C4orf51: variants seen among roughly 807,000 people sequenced by gnomAD.
C4orf51 encodes chromosome 4 open reading frame 51.
Under a neutral mutation model 25.2 loss-of-function variants are expected in C4orf51, and 25 were observed. The observed-to-expected ratio is 0.99, with a 90% CI of 0.72 to 1.39. The LOEUF is 1.39. Ranked by LOEUF, C4orf51 falls within the 40% of genes most tolerant of loss-of-function variation. The pLI, the probability that C4orf51 is intolerant of heterozygous loss-of-function variation, is 0.00. For synonymous variants in C4orf51, 100 were observed against 84.5 expected (o/e 1.18, Z -1.01); for missense variants, 252 against 239.6 (o/e 1.05, Z -0.34).
In C4orf51 at chr4:145,764,075, C is replaced by T. The variant is rs757164610; in HGVS notation, n.167-6913C>T. ...TCTGGCAGGTTGTGCGTTTCAATGACGAACATGTTTTAAAACAAAAGGTTT... is the reference window on the plus strand; with the variant it reads ...TCTGGCAGGTTGTGCGTTTCAATGATGAACATGTTTTAAAACAAAAGGTTT... On this transcript the variant is annotated intron_variant and non_coding_transcript_variant, in intron 1 of 1. Coordinates refer to the C4orf51 transcript ENST00000510096. Among the ~76,000 whole-genome samples the T allele has an allele frequency of 4.6e-5, 7 of 152,144 alleles. No individual in the cohort carries two copies. The East Asian group carries it at 7.7e-4, about 17-fold the overall frequency.
chr4:145,702,956 C>A (rs1193053078), intron 2 of C4orf51, among the ~76,000 whole-genome samples: 1 of 151,722 alleles, frequency 6.6e-6, no homozygotes, highest in Non-Finnish European at 1.5e-5. Flanking sequence ...TGAGAAACAT[C>A]GCCCATTCTC....
chr4:145,702,844 TA>T (rs754942872), intron 2 of C4orf51, among the ~76,000 whole-genome samples: 1 of 145,562 alleles, frequency 6.9e-6, no homozygotes, highest in African/African-American at 2.5e-5. Flanking sequence ...ATGTTTCTTC[TA>T]ACATCCCCAC....
At chr4:145,716,771 G>A (rs1235728475) in intron 2 of C4orf51, among the ~76,000 whole-genome samples, 1 of 152,162 alleles carries the variant, frequency 6.6e-6, no homozygotes, top group East Asian at 1.9e-4. Flanking sequence ...TGCCTTGGAT[G>A]ATCACTATTC....
Position 145,761,792 on chromosome 4 carries a change from C to T in C4orf51, n.167-9196C>T, listed in dbSNP as rs1371916050. ...GCTCTCCCTGCTGACAGAGCAGTCCCCGCTGACAAGCAGCTCTGGCAAGGT... is the reference window on the plus strand; with the variant it reads ...GCTCTCCCTGCTGACAGAGCAGTCCTCGCTGACAAGCAGCTCTGGCAAGGT... On this transcript the variant is annotated intron_variant and non_coding_transcript_variant, in intron 1 of 1. Coordinates refer to the C4orf51 transcript ENST00000510096. This position sits in a 1 kb window ranked among gnomAD's most constrained non-coding sequence, Gnocchi z 6.8. Among the ~76,000 whole-genome samples, 4 of 152,212 alleles carry T rather than the reference C, an allele frequency of 2.6e-5. No homozygotes were observed. The highest frequency in any genetic ancestry group is 5.9e-5 in the Non-Finnish European group (4 of 68,030).
chr4:145,690,825 G>T (rs887092649), intron 1 of C4orf51, among the ~76,000 whole-genome samples: 23 of 152,096 alleles, frequency 1.5e-4, no homozygotes, highest in Non-Finnish European at 2.8e-4. Context: ...AAAGGGCCAG[G>T]TGTGGTGGCT....
chr4:145,725,468 A>T (rs968956775), intron 2 of C4orf51, among the ~76,000 whole-genome samples: 1 of 152,214 alleles, frequency 6.6e-6, no homozygotes, highest in Non-Finnish European at 1.5e-5. Flanking sequence ...ACACATGTCT[A>T]CACAGACTTG....
intron 1 of C4orf51, chr4:145,760,833 G>A: frequency 8.3e-7 from 1 of 1,203,106 alleles, no homozygotes; most frequent in Non-Finnish European, 1.1e-6. Flanking sequence ...AGGAGTGTTT[G>A]GGTGAGGGGA....
downstream of C4orf51, among the ~76,000 whole-genome samples, chr4:145,736,992 G>A (rs956366808): frequency 9.9e-5 from 15 of 151,962 alleles, no homozygotes; most frequent in African/African-American, 1.2e-4. Context: ...TGAACTTCTC[G>A]TGAGTCCCTT....
intron 3 of C4orf51, 73 bp from the exon 4 acceptor site, chr4:145,729,096 G>A: frequency 2.8e-6 from 3 of 1,084,038 alleles, no homozygotes; most frequent in Non-Finnish European, 4.2e-6. Flanking sequence ...AACAATGTTG[G>A]GAAAATGAAT....
intron 1 of C4orf51, among the ~76,000 whole-genome samples, chr4:145,681,309 C>T (rs1728826229): frequency 6.6e-6 from 1 of 152,178 alleles, no homozygotes; most frequent in Admixed American, 6.6e-5. Context: ...CAATAACCCA[C>T]ATAATACCCT....
At chr4:145,740,141 G>A (rs934035198) in intron 1 of C4orf51, among the ~76,000 whole-genome samples, 1 of 148,908 alleles carries the variant, frequency 6.7e-6, no homozygotes, top group African/African-American at 2.5e-5. Flanking sequence ...CTTCTTTTCT[G>A]GAATGTAAAG....
intron 2 of C4orf51, among the ~76,000 whole-genome samples, chr4:145,698,482 A>G (rs1730216648): frequency 6.6e-6 from 1 of 152,248 alleles, no homozygotes; most frequent in African/African-American, 2.4e-5. Flanking sequence ...AAGGGATTTT[A>G]TCTAAAGACC....
At chr4:145,707,687 G>C (rs1730895358) in intron 2 of C4orf51, among the ~76,000 whole-genome samples, 1 of 152,214 alleles carries the variant, frequency 6.6e-6, no homozygotes, top group Non-Finnish European at 1.5e-5. Context: ...GGTCCCTTAA[G>C]TAATATAAAG....
chr4:145,792,380 A>G, the C4orf51 span, among the ~76,000 whole-genome samples: 3 of 151,968 alleles, frequency 2.0e-5, no homozygotes, highest in Admixed American at 6.5e-5. Context: ...CATAAGAAAA[A>G]AAAAAAGAAA....
chr4:145,751,002 C>T (rs1284103755), intron 1 of C4orf51, among the ~76,000 whole-genome samples: 1 of 151,990 alleles, frequency 6.6e-6, no homozygotes, highest in Non-Finnish European at 1.5e-5. Flanking sequence ...CTTTTTATTT[C>T]CATCTTTGCT....
At position 145,761,744 on chromosome 4, in the gene C4orf51, C is replaced by T. The variant is rs1052983195; in HGVS notation, n.167-9244C>T. On this transcript the variant is annotated intron_variant and non_coding_transcript_variant, in intron 1 of 1. Transcript: ENST00000510096. This position sits in a 1 kb window ranked among gnomAD's most constrained non-coding sequence, Gnocchi z 6.8. ...AGCCCAGCCCAGCCCTGCCGCCTCT[C>T]AGGGGTGGAACGGCCCTTTTTGGCT... 6.3e-5 allele frequency: 28 copies of T among 446,884 alleles called. No individual in the cohort carries two copies. The highest frequency in any genetic ancestry group is 1.5e-5 in the Non-Finnish European group (4 of 263,500). 27.7% of individuals were successfully genotyped at this position (446,884 alleles called of 1,614,324 possible). A position where few individuals can be genotyped will look rare whatever the true frequency, so the allele number is the denominator to read the frequency against.
At chr4:145,790,181 T>C in the C4orf51 span, among the ~76,000 whole-genome samples, 3 of 152,226 alleles carry the variant, frequency 2.0e-5, no homozygotes, top group African/African-American at 7.2e-5. Flanking sequence ...AGTTATCTTC[T>C]ATAATTTACT....
chr4:145,696,579 C>G lies in C4orf51; in HGVS notation c.254C>G (p.Ser85Cys). The G allele has an allele frequency of 2.5e-6, 4 of 1,613,650 alleles. No individual in the cohort carries two copies. Among genetic ancestry groups the G allele is most frequent in the South Asian group, 1.1e-5 (1 of 91,054 alleles). Residue 85 changes from serine to cysteine, a missense_variant, in exon 2 of 6, where the codon TCT (serine) becomes TGT (cysteine). Coordinates refer to ENST00000438731, the MANE Select transcript of C4orf51 (RefSeq NM_001080531.3). ...CTTAGGATGTCATTGACAAACAGTTCTGCCTGTCATCTTCTCTGCTGGGCT... is the reference window on the plus strand; with the variant it reads ...CTTAGGATGTCATTGACAAACAGTTGTGCCTGTCATCTTCTCTGCTGGGCT... ...ECKQMSLTNS[S>C]ACHLLCWAGT...
chr4:145,774,900 A>G (rs1208673595), downstream of C4orf51, among the ~76,000 whole-genome samples: 2 of 152,218 alleles, frequency 1.3e-5, no homozygotes, highest in South Asian at 2.1e-4. Context: ...ACAATCACAT[A>G]TGTGTTATAA....
Sources: gnomAD v4.1 joint callset for allele counts (sites outside exome capture counted in the v4.1 genomes callset) on GRCh38, gnomAD v4.1.1 for gene constraint, Gnocchi (gnomAD v3.1) non-coding constraint, MANE v1.5 for transcripts, NCBI Gene and HGNC (gene_info 2026-07-23, HGNC 2026-07-21) for gene names.